Variants in RNF17 observed in about 807,000 individuals in gnomAD.
RNF17 encodes the protein spermatogenesis associated 23.
Under a neutral mutation model 200.5 loss-of-function variants are expected in RNF17, and 31 were observed. That is an observed-to-expected ratio of 0.15 (90% CI 0.12 to 0.21). The LOEUF is 0.21. RNF17 is among the 10% of genes least tolerant of loss of function. The pLI is 1.00. For synonymous variants in RNF17, 606 were observed against 637.8 expected, an observed-to-expected ratio of 0.95 and a Z score of 0.75; for missense variants, 1,628 against 1,905.1, an observed-to-expected ratio of 0.85 and a Z score of 2.71.
chr13:24,877,013 T>G lies in RNF17; in HGVS notation c.4600T>G (p.Ser1534Ala), dbSNP rs375504007. Reference sequence around the variant, plus strand: ...TTGTGACAGACTGTGCCAAATTCCTTCTCATCTTATGCGGTATCCAGCTCG... The same window carrying G: ...TTGTGACAGACTGTGCCAAATTCCTGCTCATCTTATGCGGTATCCAGCTCG... Reference protein sequence around the residue: ...LTLNRLCQIPSHLMRYPARAI... With the variant: ...LTLNRLCQIPAHLMRYPARAI... The change falls in exon 34 of 36, where the codon TCT (serine) becomes GCT (alanine). Residue 1534 changes from serine to alanine, a missense_variant. Coordinates refer to ENST00000255324, the MANE Select transcript of RNF17 (RefSeq NM_031277.3). 3.8e-5 allele frequency: 61 copies of G among 1,596,082 alleles called. No individual in the cohort carries two copies. The highest frequency in any genetic ancestry group is 3.1e-5 in the Non-Finnish European group (36 of 1,174,962).
rs1437976352 is a variant in RNF17 at position 24,788,097 on chromosome 13, A to G, written c.721A>G (p.Met241Val). 3.1e-6 allele frequency: 5 copies of G among 1,599,574 alleles called. No individual in the cohort carries two copies. The highest frequency in any genetic ancestry group is 4.3e-6 in the Non-Finnish European group (5 of 1,176,084). Residue 241 changes from methionine (M) to valine (V), a missense_variant, in exon 7 of 36, where the codon ATG becomes GTG. Physicochemically the swap from Met to Val is conservative, Grantham distance 21 (BLOSUM62 1). Around this residue, in one of 5 missense-constraint regions of RNF17, gnomAD observed 502 missense variants for 501.7 expected, o/e 1.00. Transcript: ENST00000255324. ...EEKKNNLNAA[M>V]NIARALQLSP... ...GAAAAAAAATAATTTGAATGCAGCT[A>G]TGAACATAGCAAGAGCATTACAATT... is the stretch of plus-strand genomic sequence containing the variant.
chr13:24,859,066 C>T lies in RNF17; in HGVS notation c.3676C>T (p.Pro1226Ser), dbSNP rs148232728. The T allele has an allele frequency of 6.2e-7, 1 of 1,609,370 alleles. No homozygotes were observed. The highest frequency in any genetic ancestry group is 1.3e-5 in the African/African-American group (1 of 74,886). Residue 1226 changes from proline (P) to serine (S), a missense_variant, in exon 26 of 36, where the codon CCT becomes TCT. Pro to Ser is a moderately conservative substitution (Grantham distance 74, BLOSUM62 -1). Coordinates refer to ENST00000255324, the MANE Select transcript of RNF17 (RefSeq NM_031277.3). ...SNLKCLGLLE[P>S]YFWKKGEACA... is the part of the protein sequence containing the mutation. Reference sequence around the variant, plus strand: ...TTTAAAATGCCTTGGTCTTTTGGAGCCTTATTTCTGGAAAAAAGGAGAAGC... The same window carrying T: ...TTTAAAATGCCTTGGTCTTTTGGAGTCTTATTTCTGGAAAAAAGGAGAAGC...
At chr13:24,754,481 G>A in the RNF17 span, among the ~76,000 whole-genome samples, 1 of 152,088 alleles carries the variant, frequency 6.6e-6, no homozygotes, top group African/African-American at 2.4e-5. Context: ...TTTGCACAAA[G>A]GTGGTATGCA....
chr13:24,824,494 T>A (rs1219058203), intron 15 of RNF17: 1 of 267,608 alleles, frequency 3.7e-6, no homozygotes, highest in African/African-American at 2.2e-5. Flanking sequence ...TGAAATAGAT[T>A]TCAAAATATT....
intron 18 of RNF17, among the ~76,000 whole-genome samples, chr13:24,841,699 C>T (rs926685511): frequency 5.3e-5 from 8 of 151,992 alleles, no homozygotes; most frequent in African/African-American, 1.9e-4. Flanking sequence ...TGGCTCAGGC[C>T]TGTAATCCCA....
At chr13:24,885,261 A>AAAAC in the RNF17 span, 1 of 1,506,326 alleles carries the variant, frequency 6.6e-7, no homozygotes, top group South Asian at 1.1e-5. Context: ...CATTATTTCA[A>AAAAC]AAACATTTTT....
chr13:24,830,465 A>G lies in RNF17; in HGVS notation c.2246-19A>G, dbSNP rs895537928. On this transcript the variant is annotated intron_variant, in intron 16 of 35. Coordinates refer to ENST00000255324, the MANE Select transcript of RNF17 (RefSeq NM_031277.3). ...TTCTGTTTCCAAGTTTGTAATTTCTAATTTCATAATTTTTCAAGGATTGCC... is the reference window on the plus strand; with the variant it reads ...TTCTGTTTCCAAGTTTGTAATTTCTGATTTCATAATTTTTCAAGGATTGCC... 10 of 1,467,598 alleles carry G rather than the reference A, an allele frequency of 6.8e-6. No individual in the cohort carries two copies. Among genetic ancestry groups the G allele is most frequent in the Admixed American group, 3.9e-5 (2 of 51,800 alleles). The allele number at this position is 1,467,598 out of a possible 1,614,324, so 90.9% of individuals were successfully genotyped here.
chr13:24,848,175 T>G lies in RNF17; in HGVS notation c.3102-2166T>G, dbSNP rs1413106781. Among the ~76,000 whole-genome samples, 4 of 152,274 alleles carry G rather than the reference T, an allele frequency of 2.6e-5. No individual in the cohort carries two copies. In the East Asian group the frequency reaches 7.7e-4, roughly 29 times the overall value. ...ATTTAAGAGGTTAAGTATTTTATTA[T>G]CTGGATAAAATATCTGCTGACTGTT... is the stretch of plus-strand genomic sequence containing the variant. On this transcript the variant is annotated intron_variant, in intron 22 of 35. Coordinates refer to ENST00000255324, the MANE Select transcript of RNF17 (RefSeq NM_031277.3).
At chr13:24,864,482 C>G (rs763172478) in intron 28 of RNF17, among the ~76,000 whole-genome samples, 1 of 152,090 alleles carries the variant, frequency 6.6e-6, no homozygotes, top group Non-Finnish European at 1.5e-5. Context: ...TAGACTGTTT[C>G]GAGTCCCACC....
chr13:24,872,545 T>TA (rs11458220), intron 32 of RNF17, among the ~76,000 whole-genome samples: 9 of 152,188 alleles, frequency 5.9e-5, no homozygotes, highest in South Asian at 2.1e-4. Context: ...ACTTTTTTTT[T>TA]ACTGAGTATT....
intron 7 of RNF17, among the ~76,000 whole-genome samples, chr13:24,788,369 AC>A (rs1246402984): frequency 4.6e-5 from 7 of 152,058 alleles, no homozygotes; most frequent in African/African-American, 1.7e-4. Context: ...AATTTATATG[AC>A]CTTTTGTTTT....
intron 16 of RNF17, 58 bp from the exon 17 acceptor site, chr13:24,830,426 A>AG: frequency 9.5e-7 from 1 of 1,056,850 alleles, no homozygotes; most frequent in Non-Finnish European, 1.4e-6. Flanking sequence ...ACCAATCTAA[A>AG]TTTTTCTAGA....
intron 29 of RNF17, 52 bp from the exon 30 acceptor site, chr13:24,866,092 C>A: frequency 1.0e-6 from 1 of 996,286 alleles, no homozygotes; most frequent in Non-Finnish European, 1.6e-6. Flanking sequence ...ATGGAAAGTA[C>A]CTTAAAACAA....
At chr13:24,874,284 TC>T in intron 33 of RNF17, 35 bp downstream of exon 33, 2 of 1,519,554 alleles carry the variant, frequency 1.3e-6, no homozygotes, top group Non-Finnish European at 1.8e-6. Flanking sequence ...GAATTAGATT[TC>T]TTTTTTTTTA....
intron 15 of RNF17, among the ~76,000 whole-genome samples, chr13:24,819,638 T>G (rs1482785853): frequency 6.6e-6 from 1 of 152,220 alleles, no homozygotes; most frequent in Non-Finnish European, 1.5e-5. Context: ...AAAAACTACT[T>G]CTCTGCAGCT....
chr13:24,882,943 A>G (rs1953903543), downstream of RNF17: 2 of 524,192 alleles, frequency 3.8e-6, no homozygotes, highest in Non-Finnish European at 3.4e-6. Flanking sequence ...CACAATTTCT[A>G]AACAGTCAAA....
chr13:24,830,763 T>C (rs1278680093), intron 17 of RNF17, among the ~76,000 whole-genome samples, 164 bp downstream of exon 17: 1 of 152,218 alleles, frequency 6.6e-6, no homozygotes, highest in African/African-American at 2.4e-5. Context: ...GGAAATAATA[T>C]GTATATCATG....
chr13:24,837,939 G>A (rs566048284), intron 18 of RNF17, among the ~76,000 whole-genome samples: 34 of 152,140 alleles, frequency 2.2e-4, no homozygotes, highest in African/African-American at 8.2e-4. Flanking sequence ...CCATTAGCAC[G>A]ATTTAGCACG....
chr13:24,776,602 G>A lies in RNF17; in HGVS notation c.318-1693G>A, dbSNP rs550413458. Among the ~76,000 whole-genome samples the A allele has an allele frequency of 2.6e-5, 4 of 152,196 alleles. No homozygotes were observed. In the South Asian group the frequency reaches 6.2e-4, roughly 24 times the overall value. On this transcript the variant is annotated intron_variant, in intron 3 of 35. Transcript: ENST00000255324. ...TCTTTTAGAATCATTCTGGCTCATC[G>A]TGAGTCCCCATGGAGTAGCCATTTT...
Sources: gnomAD v4.1 joint callset for allele counts (sites outside exome capture counted in the v4.1 genomes callset) on GRCh38, gnomAD v4.1.1 for gene constraint, gnomAD v4.1.1 regional missense constraint, MANE v1.5 for transcripts, NCBI Gene and HGNC (gene_info 2026-07-23, HGNC 2026-07-21) for gene names.